MBOAT7: variants seen among roughly 807,000 people sequenced by gnomAD.
MBOAT7 encodes the protein membrane-bound acylglycerophosphatidylinositol O-acyltransferase MBOAT7.
In MBOAT7, 40 loss-of-function variants were observed where a neutral mutation model predicts 47.4. The observed-to-expected ratio is 0.84, with a 90% CI of 0.66 to 1.10. The LOEUF is 1.10. MBOAT7 is among the 50% of genes least tolerant of loss of function. MBOAT7 has a pLI of 0.00. For synonymous variants in MBOAT7, 361 were observed against 292.0 expected (o/e 1.24, Z -2.41); for missense variants, 680 against 655.6 (o/e 1.04, Z -0.41).
chr19:54,183,203 C>T (rs2076335345), intron 5 of MBOAT7, among the ~76,000 whole-genome samples: 1 of 152,128 alleles, frequency 6.6e-6, no homozygotes, highest in African/African-American at 2.4e-5. Context: ...GACCCTAAGC[C>T]GTGAATATTT....
intron 7 of MBOAT7, among the ~76,000 whole-genome samples, chr19:54,175,200 G>A (rs190997369): frequency 4.6e-4 from 70 of 152,152 alleles, no homozygotes; most frequent in South Asian, 1.5e-3. Context: ...GGATGGTCTC[G>A]ATCTCCTGAC....
At chr19:54,185,894 C>G (rs2076416323) in intron 4 of MBOAT7, among the ~76,000 whole-genome samples, 1 of 151,276 alleles carries the variant, frequency 6.6e-6, no homozygotes, top group African/African-American at 2.4e-5. Context: ...CGGAGTTTTA[C>G]CATGTTGGCC....
intron 6 of MBOAT7, 61 bp from the exon 7 acceptor site, chr19:54,179,002 C>G (rs774012720): frequency 4.4e-6 from 7 of 1,579,818 alleles, no homozygotes; most frequent in Non-Finnish European, 6.0e-6. Flanking sequence ...CCCCTCCCGA[C>G]GCCTGCTAGT....
chr19:54,177,343 T>G (rs1008167436), intron 7 of MBOAT7, among the ~76,000 whole-genome samples: 2 of 151,858 alleles, frequency 1.3e-5, no homozygotes, highest in Non-Finnish European at 2.9e-5. Context: ...TTGCCCAGGC[T>G]GGAGTGCAGT....
At chr19:54,188,073 A>AGAAAGAAAGAAAGAAAG (rs1555842646) in intron 3 of MBOAT7, 144 bp downstream of exon 3, 7 of 634,160 alleles carry the variant, frequency 1.1e-5, no homozygotes, top group East Asian at 3.2e-5. Context: ...AAGAAAGACA[A>AGAAAGAAAGAAAGAAAG]ACAAACAAAC....
At position 54,180,766 on chromosome 19, in the gene MBOAT7, G is replaced by C. The variant is rs368650520; in HGVS notation, c.854+7C>G. On this transcript the variant is annotated splice_region_variant and intron_variant, in intron 6 of 7. Coordinates refer to ENST00000245615, the MANE Select transcript of MBOAT7 (RefSeq NM_024298.5). This position sits in a 1 kb window ranked among gnomAD's most constrained non-coding sequence, Gnocchi z 5.2. ...GGTCTTGGGAAGCCTCCCTCGCGCCGCCTGACCTGCTGGGGGGTGGGCATT... is the reference window on the plus strand; with the variant it reads ...GGTCTTGGGAAGCCTCCCTCGCGCCCCCTGACCTGCTGGGGGGTGGGCATT... 6.6e-7 allele frequency: 1 copy of C among 1,516,352 alleles called. No individual in the cohort carries two copies. 93.9% of individuals were successfully genotyped at this position (1,516,352 alleles called of 1,614,324 possible). A position where few individuals can be genotyped will look rare whatever the true frequency, so the allele number is the denominator to read the frequency against.
At chr19:54,185,716 T>C (rs2076411371) in intron 4 of MBOAT7, among the ~76,000 whole-genome samples, 1 of 151,438 alleles carries the variant, frequency 6.6e-6, no homozygotes, top group Non-Finnish European at 1.5e-5. Flanking sequence ...TTTTTTGAGA[T>C]GGAATCTTGC....
At position 54,188,487 on chromosome 19, in the gene MBOAT7, AC is replaced by A. The variant is rs1231736128; in HGVS notation, c.21del (p.Tyr8IlefsTer2). 6.4e-7 allele frequency: 1 copy of A among 1,553,990 alleles called. No homozygotes were observed. Among genetic ancestry groups the A allele is most frequent in the Non-Finnish European group, 8.7e-7 (1 of 1,147,992 alleles). On this transcript the variant is annotated frameshift_variant, in exon 2 of 8. Transcript: ENST00000245615. LOFTEE classifies it high-confidence loss of function. MSPEEW[T>X]YLVVLLISIP... ...ATGGAGATAAGAAGAACCACTAGAT[AC>A]GTCCATTCTTCAGGCGACATGGTCT...
chr19:54,182,781 A>G (rs1351054986), intron 5 of MBOAT7, among the ~76,000 whole-genome samples: 1 of 151,924 alleles, frequency 6.6e-6, no homozygotes, highest in Non-Finnish European at 1.5e-5. Context: ...GCTCACTGCA[A>G]ACTCCGTCTC....
Position 54,180,929 on chromosome 19 carries a change from T to C in MBOAT7, c.698A>G (p.Tyr233Cys), listed in dbSNP as rs544377469. The C allele has an allele frequency of 2.5e-6, 4 of 1,596,798 alleles. No homozygotes were observed. Among genetic ancestry groups the C allele is most frequent in the Admixed American group, 1.8e-5 (1 of 56,072 alleles). ...GAAGGCGAAGAAGACGGGGATCATG[T>C]AGAAGAGGCGGGCGGGCAGCGGGCG... ...YARPLPARLFYMIPVFFAFRM... is the reference protein window; with the variant it reads ...YARPLPARLFCMIPVFFAFRM... The change falls in exon 6 of 8, where the codon TAC becomes TGC. Residue 233 changes from tyrosine to cysteine, a missense_variant. Tyr to Cys is a radical substitution (Grantham distance 194). Coordinates refer to ENST00000245615, the MANE Select transcript of MBOAT7 (RefSeq NM_024298.5). This position sits in a 1 kb window ranked among gnomAD's most constrained non-coding sequence, Gnocchi z 5.2.
At chr19:54,175,501 GT>G (rs2076081899) in intron 7 of MBOAT7, among the ~76,000 whole-genome samples, 2 of 152,134 alleles carry the variant, frequency 1.3e-5, no homozygotes, top group East Asian at 3.9e-4. Context: ...CTGGCCTGTG[GT>G]CCTTCCTTAT....
chr19:54,185,455 C>A (rs1600671004), intron 4 of MBOAT7, among the ~76,000 whole-genome samples: 1 of 152,130 alleles, frequency 6.6e-6, no homozygotes, highest in South Asian at 2.1e-4. Context: ...GGGGTTCAGG[C>A]ACCATCCCTT....
chr19:54,177,908 T>TTTG (rs2076155342), intron 7 of MBOAT7, among the ~76,000 whole-genome samples: 1 of 49,916 alleles, frequency 2.0e-5, no homozygotes. Context: ...CTGTTTTTTT[T>TTTG]TTTTTTTTTT....
At chr19:54,187,428 G>A (rs1020573713) in intron 3 of MBOAT7, 141 bp from the exon 4 acceptor site, 2 of 1,079,738 alleles carry the variant, frequency 1.9e-6, no homozygotes, top group African/African-American at 3.2e-5. Flanking sequence ...GAGAGGACAG[G>A]AGGGTGGATG....
In MBOAT7 at chr19:54,183,531, T is replaced by TC; in HGVS notation, c.482dup (p.Ile162AsnfsTer134). 1 of 1,607,884 alleles carries TC rather than the reference T, an allele frequency of 6.2e-7. No individual in the cohort carries two copies. The stretch of plus-strand genomic sequence containing the variant: ...GGCAGCCCCACTCACCTGTCATGAT[T>TC]CCCACGTAGCAGTAGCTGTAGCTGA... On this transcript the variant is annotated frameshift_variant, in exon 5 of 8. Coordinates refer to ENST00000245615, the MANE Select transcript of MBOAT7 (RefSeq NM_024298.5). LOFTEE classifies it high-confidence loss of function.
chr19:54,175,993 G>A (rs574962581), intron 7 of MBOAT7, among the ~76,000 whole-genome samples: 1 of 152,078 alleles, frequency 6.6e-6, no homozygotes, highest in Non-Finnish European at 1.5e-5. Context: ...AAAGTGCTGG[G>A]ATTACAGGCG....
Position 54,173,917 on chromosome 19 carries a change from AT to A in MBOAT7, c.*126del, listed in dbSNP as rs1400334453. On this transcript the variant is annotated 3_prime_UTR_variant, in exon 8 of 8. Coordinates refer to ENST00000245615, the MANE Select transcript of MBOAT7 (RefSeq NM_024298.5). ...GGTCTGCTTCAGTTGCAGGCAGGGT[AT>A]TTAGCTGGGGAAGAGGAAATTCTCT... 5.0e-6 allele frequency: 6 copies of A among 1,201,522 alleles called. No individual in the cohort carries two copies. The African/African-American group carries it at 7.8e-5, about 16-fold the overall frequency. The allele number at this position is 1,201,522 out of a possible 1,614,324, so 74.4% of individuals were successfully genotyped here.
chr19:54,187,390 C>A, intron 3 of MBOAT7, 103 bp from the exon 4 acceptor site: 1 of 1,390,426 alleles, frequency 7.2e-7, no homozygotes, highest in Non-Finnish European at 9.6e-7. Context: ...TCTCCCCATT[C>A]GTTTAGAGAC....
intron 7 of MBOAT7, among the ~76,000 whole-genome samples, chr19:54,176,045 T>A (rs111256210): frequency 1.3e-5 from 2 of 151,922 alleles, no homozygotes; most frequent in African/African-American, 4.8e-5. Context: ...TTAGTAGAGA[T>A]GGGGTTTCAC....
Sources: gnomAD v4.1 joint callset for allele counts (sites outside exome capture counted in the v4.1 genomes callset) on GRCh38, gnomAD v4.1.1 for gene constraint, Gnocchi (gnomAD v3.1) non-coding constraint, MANE v1.5 for transcripts, NCBI Gene and HGNC (gene_info 2026-07-23, HGNC 2026-07-21) for gene names.